The following TMEM132C variants were observed in gnomAD, a reference collection of about 807,000 sequenced individuals.
The protein encoded by TMEM132C is transmembrane protein 132C.
A neutral mutation model predicts 61.4 loss-of-function variants in TMEM132C; 29 were observed. The ratio of observed to expected loss-of-function variants is 0.47; its 90% CI spans 0.35 to 0.64. TMEM132C has a LOEUF of 0.64. Ranked by LOEUF, TMEM132C falls within the 30% of genes least tolerant of loss-of-function variation. TMEM132C has a pLI of 0.00. For missense variants in TMEM132C, 1,408 were observed against 1,476.9 expected, an observed-to-expected ratio of 0.95 and a Z score of 0.76; for synonymous variants, 656 against 633.1, an observed-to-expected ratio of 1.04 and a Z score of -0.54.
chr12:128,650,694 C>T (rs1240060275), intron 4 of TMEM132C, among the ~76,000 whole-genome samples: 1 of 152,012 alleles, frequency 6.6e-6, no homozygotes, highest in Non-Finnish European at 1.5e-5. Flanking sequence ...TTTTTTGCCA[C>T]TGCACTCCAG....
intron 1 of TMEM132C, among the ~76,000 whole-genome samples, chr12:128,322,605 G>A (rs138323595): frequency 2.0e-5 from 3 of 152,316 alleles, no homozygotes; most frequent in Non-Finnish European, 2.9e-5. Flanking sequence ...TCGCACGCCC[G>A]TCACTCCTAA....
chr12:128,664,483 A>G (rs1396329204), intron 4 of TMEM132C, among the ~76,000 whole-genome samples: 3 of 152,238 alleles, frequency 2.0e-5, no homozygotes, highest in Non-Finnish European at 4.4e-5. Flanking sequence ...GCTTCAGAGC[A>G]AGGTAAAAGG....
rs149984780 is a variant in TMEM132C, at chr12:128,365,168, G to A, written c.86-49564G>A. ...GGAATCTGTCTGGAGCCACACTGTC[G>A]TAATCCTCTCTTGACTCTGCTCTTG... On this transcript the variant is annotated intron_variant, in intron 1 of 8. Transcript: ENST00000435159. 1.9e-3 allele frequency among the ~76,000 whole-genome samples: 286 copies of A among 152,286 alleles called. 1 individual carries two copies. Among genetic ancestry groups the A allele is most frequent in the Non-Finnish European group, 3.1e-3 (212 of 68,032 alleles).
chr12:128,360,271 C>CAA (rs1267225974), intron 1 of TMEM132C, among the ~76,000 whole-genome samples: 1 of 151,712 alleles, frequency 6.6e-6, no homozygotes, highest in Non-Finnish European at 1.5e-5. Flanking sequence ...CACACACACA[C>CAA]ACACACACAC....
At chr12:128,286,200 C>A (rs1279652770) in intron 1 of TMEM132C, among the ~76,000 whole-genome samples, 1 of 152,090 alleles carries the variant, frequency 6.6e-6, no homozygotes, top group Non-Finnish European at 1.5e-5. Flanking sequence ...GGAAATGTGG[C>A]CTCTGAGAGC....
At chr12:128,685,386 G>A (rs568888533) in intron 5 of TMEM132C, among the ~76,000 whole-genome samples, 5 of 152,306 alleles carry the variant, frequency 3.3e-5, no homozygotes, top group East Asian at 1.9e-4. Context: ...GGGCTCGGCC[G>A]GACAGCTCAG....
Position 128,705,834 on chromosome 12 carries a change from C to A in TMEM132C, c.2866C>A (p.Gln956Lys). The A allele has an allele frequency of 6.4e-7, 1 of 1,551,706 alleles. No individual in the cohort carries two copies. The highest frequency in any genetic ancestry group is 2.0e-5 in the Admixed American group (1 of 51,012). ...ATFALKYRHK[Q>K]VPLEGQASMT... ...CTTTGCCCTGAAGTACAGGCACAAGCAAGTGCCCCTGGAAGGTCAGGCCTC... is the reference window on the plus strand; with the variant it reads ...CTTTGCCCTGAAGTACAGGCACAAGAAAGTGCCCCTGGAAGGTCAGGCCTC... Residue 956 changes from glutamine (Q) to lysine (K), a missense_variant, in exon 9 of 9, where the codon CAA (glutamine) becomes AAA (lysine). Physicochemically the swap from Gln to Lys is moderately conservative, Grantham distance 53 (BLOSUM62 1). Transcript: ENST00000435159.
intron 2 of TMEM132C, among the ~76,000 whole-genome samples, chr12:128,447,169 C>T (rs542260845): frequency 2.0e-4 from 30 of 152,148 alleles, no homozygotes; most frequent in Non-Finnish European, 3.7e-4. Context: ...GACCAGTGAT[C>T]GCCCCTGTCC....
intron 4 of TMEM132C, among the ~76,000 whole-genome samples, chr12:128,653,659 G>A (rs1276342504): frequency 6.6e-6 from 1 of 152,154 alleles, no homozygotes; most frequent in Non-Finnish European, 1.5e-5. Context: ...CCTGTGAAGT[G>A]GGGGAGAATG....
intron 1 of TMEM132C, among the ~76,000 whole-genome samples, chr12:128,282,112 T>A (rs1870917845): frequency 6.6e-6 from 1 of 152,220 alleles, no homozygotes; most frequent in African/African-American, 2.4e-5. Context: ...AGAACTTTTG[T>A]CCCATGAACC....
At chr12:128,656,036 G>A (rs1954322724) in intron 4 of TMEM132C, among the ~76,000 whole-genome samples, 1 of 152,224 alleles carries the variant, frequency 6.6e-6, no homozygotes, top group East Asian at 1.9e-4. Context: ...CTCACCATCA[G>A]TAAATGGCTT....
In TMEM132C at chr12:128,543,808, C is replaced by T. The variant is rs184070953; in HGVS notation, c.975-149C>T. 797 of 1,047,862 alleles carry T rather than the reference C, an allele frequency of 7.6e-4. 1 individual carries two copies. Among genetic ancestry groups the T allele is most frequent in the Admixed American group, 2.2e-3 (62 of 28,710 alleles). The allele number at this position is 1,047,862 out of a possible 1,614,324, so 64.9% of individuals were successfully genotyped here. Reference sequence around the variant, plus strand: ...CCCGCTCGCCCTGCCCTGGCATCACCACCACTGGGCAGCTTTGCCTCTCAC... The same window carrying T: ...CCCGCTCGCCCTGCCCTGGCATCACTACCACTGGGCAGCTTTGCCTCTCAC... On this transcript the variant is annotated intron_variant, in intron 2 of 8. Coordinates refer to ENST00000435159, the MANE Select transcript of TMEM132C (RefSeq NM_001136103.3).
rs59258589 is a variant in TMEM132C, at chr12:128,566,189, C to CAAAAAAAAAAAAAAAAAAAAA, written c.1121+22104_1121+22105insAAAAAAAAAAAAAAAAAAAAA. 1.0e-3 allele frequency among the ~76,000 whole-genome samples: 70 copies of CAAAAAAAAAAAAAAAAAAAAA among 67,766 alleles called. 1 individual carries two copies. The highest frequency in any genetic ancestry group is 0.011 in the Middle Eastern group (1 of 94). 44.5% of individuals were successfully genotyped at this position (67,766 alleles called of 152,430 possible). ...ATAGGCATGAGACACCAAGCCTAAC[C>CAAAAAAAAAAAAAAAAAAAAA]AAAAAAAAAAAAAAAAAAGTTTTAA... is the stretch of plus-strand genomic sequence containing the variant. On this transcript the variant is annotated intron_variant, in intron 3 of 8. Coordinates refer to ENST00000435159, the MANE Select transcript of TMEM132C (RefSeq NM_001136103.3).
At chr12:128,379,735 C>T (rs1874341465) in intron 1 of TMEM132C, among the ~76,000 whole-genome samples, 1 of 152,226 alleles carries the variant, frequency 6.6e-6, no homozygotes, top group African/African-American at 2.4e-5. Context: ...TCCTTAATTA[C>T]ATCTGTAAAG....
chr12:128,428,597 A>T (rs1412415891), intron 2 of TMEM132C, among the ~76,000 whole-genome samples: 1 of 152,196 alleles, frequency 6.6e-6, no homozygotes, highest in Admixed American at 6.5e-5. Context: ...CACCAAAAAC[A>T]TGCTGTCTGT....
chr12:128,508,575 G>A (rs556994233), intron 2 of TMEM132C, among the ~76,000 whole-genome samples: 3 of 152,330 alleles, frequency 2.0e-5, no homozygotes, highest in Admixed American at 2.0e-4. Context: ...CGGCCTCCAA[G>A]CAAGTGCTGC....
chr12:128,292,327 G>A (rs556245005), intron 1 of TMEM132C, among the ~76,000 whole-genome samples: 3 of 152,210 alleles, frequency 2.0e-5, no homozygotes, highest in Non-Finnish European at 4.4e-5. Context: ...GATTCCTGCT[G>A]TGTACAAGGG....
At chr12:128,390,141 G>C (rs1874715531) in intron 1 of TMEM132C, among the ~76,000 whole-genome samples, 1 of 152,150 alleles carries the variant, frequency 6.6e-6, no homozygotes, top group African/African-American at 2.4e-5. Flanking sequence ...AAAGCGCTGG[G>C]ATTACAGGTG....
chr12:128,599,910 G>C (rs12322774), intron 3 of TMEM132C, among the ~76,000 whole-genome samples: 328 of 152,282 alleles, frequency 2.2e-3, no homozygotes, highest in African/African-American at 7.2e-3. Context: ...CATGGGAGCC[G>C]TTACCCCCAT....
Sources: allele counts gnomAD v4.1 joint callset (sites outside exome capture counted in the v4.1 genomes callset), GRCh38; gene constraint gnomAD v4.1.1; transcripts MANE v1.5; gene names NCBI Gene and HGNC (gene_info 2026-07-23, HGNC 2026-07-21).